The following DCC variants were observed in gnomAD, a reference collection of about 807,000 sequenced individuals.
DCC encodes the protein netrin receptor DCC.
DCC carries 58 observed loss-of-function variants against 172.5 expected under a neutral mutation model. The ratio of observed to expected loss-of-function variants is 0.34; its 90% confidence interval spans 0.27 to 0.42. The LOEUF is 0.42. Among genes scored for constraint, DCC ranks in the 10% least tolerant of loss-of-function variants. The pLI, the probability that DCC is intolerant of heterozygous loss-of-function variation, is 1.00. For missense variants in DCC, 1,740 were observed against 1,791.0 expected, an observed-to-expected ratio of 0.97 and a Z score of 0.51; for synonymous variants, 709 against 644.5, an observed-to-expected ratio of 1.10 and a Z score of -1.52.
chr18:53,147,284 G>A (rs1185784176), intron 7 of DCC, among the ~76,000 whole-genome samples: 1 of 152,156 alleles, frequency 6.6e-6, no homozygotes, highest in Non-Finnish European at 1.5e-5. Flanking sequence ...TCAGAAAGAG[G>A]ACTAGAAGTA....
chr18:53,515,084 C>CA (rs1472900360), intron 27 of DCC, among the ~76,000 whole-genome samples: 1 of 151,882 alleles, frequency 6.6e-6, no homozygotes, highest in African/African-American at 2.4e-5. Flanking sequence ...AGCAGCACAT[C>CA]AAAAAGCTTA....
chr18:53,216,550 T>C (rs1056507276), intron 12 of DCC, among the ~76,000 whole-genome samples: 1 of 152,190 alleles, frequency 6.6e-6, no homozygotes, highest in African/African-American at 2.4e-5. Context: ...TATTGACTTA[T>C]CATGAGAAAG....
intron 5 of DCC, among the ~76,000 whole-genome samples, chr18:53,043,144 A>T (rs1000557350): frequency 1.3e-5 from 2 of 152,136 alleles, no homozygotes; most frequent in South Asian, 4.1e-4. Context: ...TCCGTAAAAA[A>T]GAATGAGTTC....
intron 19 of DCC, among the ~76,000 whole-genome samples, chr18:53,405,001 A>C (rs2145042490): frequency 6.6e-6 from 1 of 152,210 alleles, no homozygotes; most frequent in Middle Eastern, 3.4e-3. Flanking sequence ...ATTCCTACTC[A>C]ATTTAACAGG....
rs1052187342 is a variant in DCC at position 52,402,884 on chromosome 18, C to T, written c.91+62006C>T. Among the ~76,000 whole-genome samples, 7 of 152,066 alleles carry T rather than the reference C, an allele frequency of 4.6e-5. No homozygotes were observed. In the South Asian group the frequency reaches 1.2e-3, roughly 27 times the overall value. On this transcript the variant is annotated intron_variant, in intron 1 of 28. Transcript: ENST00000442544. Reference sequence around the variant, plus strand: ...GCCTTTTGTCTTCAATATAGTTGAACGAGGCACTAATTAATTGTCATCCTA... The same window carrying T: ...GCCTTTTGTCTTCAATATAGTTGAATGAGGCACTAATTAATTGTCATCCTA...
At chr18:52,809,892 T>C (rs2038161691) in intron 2 of DCC, among the ~76,000 whole-genome samples, 1 of 152,152 alleles carries the variant, frequency 6.6e-6, no homozygotes, top group Non-Finnish European at 1.5e-5. Context: ...CTCCTGCTTT[T>C]AGCCTAATTT....
At chr18:53,197,895 ATG>A (rs1338426258) in intron 9 of DCC, among the ~76,000 whole-genome samples, 1 of 152,134 alleles carries the variant, frequency 6.6e-6, no homozygotes, top group African/African-American at 2.4e-5. Context: ...CATATATGCT[ATG>A]TGACTTCTTG....
At chr18:52,541,087 G>C (rs1180492237) in intron 1 of DCC, among the ~76,000 whole-genome samples, 1 of 152,152 alleles carries the variant, frequency 6.6e-6, no homozygotes, top group East Asian at 1.9e-4. Flanking sequence ...AAGTAAAACA[G>C]GTGACTGCCT....
At chr18:52,986,029 G>A (rs1394863467) in intron 5 of DCC, among the ~76,000 whole-genome samples, 1 of 152,010 alleles carries the variant, frequency 6.6e-6, no homozygotes, top group South Asian at 2.1e-4. Context: ...TTTTCTCAAG[G>A]TTTTTAGTAA....
intron 5 of DCC, among the ~76,000 whole-genome samples, chr18:52,956,520 T>G (rs1427727908): frequency 6.6e-6 from 1 of 152,134 alleles, no homozygotes; most frequent in Non-Finnish European, 1.5e-5. Flanking sequence ...ATCTTGAAAT[T>G]GAACAGTGTC....
At chr18:52,817,310 ATTTT>A (rs554672671) in intron 2 of DCC, among the ~76,000 whole-genome samples, 132 of 152,140 alleles carry the variant, frequency 8.7e-4, no homozygotes, top group Non-Finnish European at 1.7e-3. Flanking sequence ...TACATTGATT[ATTTT>A]GAGTTCTGCT....
chr18:52,491,389 T>G (rs1375542888), intron 1 of DCC, among the ~76,000 whole-genome samples: 1 of 152,108 alleles, frequency 6.6e-6, no homozygotes, highest in Admixed American at 6.6e-5. Flanking sequence ...GGTTGCTTAA[T>G]TTTTTATGGG....
At chr18:52,802,764 C>T (rs1312994554) in intron 2 of DCC, among the ~76,000 whole-genome samples, 1 of 144,712 alleles carries the variant, frequency 6.9e-6, no homozygotes, top group African/African-American at 2.6e-5. Context: ...CCTCAGCCTC[C>T]CAAAGTGTAA....
At chr18:53,199,753 AAC>A (rs2055506768) in intron 9 of DCC, among the ~76,000 whole-genome samples, 1 of 152,112 alleles carries the variant, frequency 6.6e-6, no homozygotes, top group Non-Finnish European at 1.5e-5. Context: ...GAATGCAGTA[AAC>A]ACATATCTAA....
chr18:52,455,888 C>A (rs1253130554), intron 1 of DCC, among the ~76,000 whole-genome samples: 1 of 152,180 alleles, frequency 6.6e-6, no homozygotes, highest in Non-Finnish European at 1.5e-5. Flanking sequence ...CACACTCCAT[C>A]CCTACCCTAC....
intron 9 of DCC, among the ~76,000 whole-genome samples, chr18:53,193,891 G>A (rs747784345): frequency 6.6e-6 from 1 of 152,092 alleles, no homozygotes; most frequent in African/African-American, 2.4e-5. Context: ...CTGCTCACTT[G>A]ACTGTCTGAA....
rs144892689 is a variant in DCC, at chr18:53,481,884, A to C, written c.3737-4913A>C. Among the ~76,000 whole-genome samples the C allele has an allele frequency of 2.5e-4, 38 of 152,330 alleles. No individual in the cohort carries two copies. The East Asian group carries it at 7.3e-3, about 29-fold the overall frequency. On this transcript the variant is annotated intron_variant, in intron 25 of 28. Coordinates refer to ENST00000442544, the MANE Select transcript of DCC (RefSeq NM_005215.4). The stretch of plus-strand genomic sequence containing the variant: ...AATTTCTACTTGAAAAATTTTGTGC[A>C]TCAATGTCAGAGATAAATTCAATTG...
intron 2 of DCC, among the ~76,000 whole-genome samples, chr18:52,759,546 A>G (rs759983188): frequency 2.6e-5 from 4 of 152,190 alleles, no homozygotes; most frequent in Non-Finnish European, 4.4e-5. Context: ...TAAGCTGTCT[A>G]CAGTTCGATT....
rs544730959 is a variant in DCC, at chr18:52,444,770, C to G, written c.91+103892C>G. ...AATCATCTCAAAATATCATTGAAAC[C>G]CTTCAGGTAGGCCATTAAACTCAGT... On this transcript the variant is annotated intron_variant, in intron 1 of 28. Coordinates refer to ENST00000442544, the MANE Select transcript of DCC (RefSeq NM_005215.4). Among the ~76,000 whole-genome samples the G allele has an allele frequency of 5.5e-4, 84 of 151,990 alleles. 1 individual carries two copies. The South Asian group carries it at 0.017, about 31-fold the overall frequency.
Sources: allele counts gnomAD v4.1 joint callset (sites outside exome capture counted in the v4.1 genomes callset), GRCh38; gene constraint gnomAD v4.1.1; transcripts MANE v1.5; gene names NCBI Gene and HGNC (gene_info 2026-07-23, HGNC 2026-07-21).